Variants in ASCC3 observed in about 807,000 individuals in gnomAD.
ASCC3 encodes ASC-1 complex subunit P200.
ASCC3 carries 158 observed loss-of-function variants against 256.3 expected under a neutral mutation model. The ratio of observed to expected loss-of-function variants is 0.62; its 90% CI spans 0.54 to 0.70. The LOEUF is 0.70. Among genes scored for constraint, ASCC3 ranks in the 30% least tolerant of loss-of-function variants. The pLI is 0.00. For synonymous variants in ASCC3, 948 were observed against 883.4 expected, an observed-to-expected ratio of 1.07 and a Z score of -1.30; for missense variants, 2,259 against 2,626.0, an observed-to-expected ratio of 0.86 and a Z score of 3.05.
chr6:100,582,864 GT>G (rs1469492141), intron 36 of ASCC3, among the ~76,000 whole-genome samples: 3 of 152,082 alleles, frequency 2.0e-5, no homozygotes, highest in African/African-American at 7.3e-5. Context: ...TTTGTCTTTG[GT>G]TTTGTTTATA....
intron 14 of ASCC3, among the ~76,000 whole-genome samples, chr6:100,664,364 A>T (rs1776370942): frequency 6.6e-6 from 1 of 152,132 alleles, no homozygotes; most frequent in Non-Finnish European, 1.5e-5. Flanking sequence ...CTAAGTTAAT[A>T]ATATTTAACT....
At chr6:100,588,652 C>G (rs914448355) in intron 36 of ASCC3, among the ~76,000 whole-genome samples, 2 of 152,098 alleles carry the variant, frequency 1.3e-5, no homozygotes, top group Non-Finnish European at 1.5e-5. Context: ...TCTGTTAATT[C>G]ATTAATAAAA....
intron 37 of ASCC3, among the ~76,000 whole-genome samples, chr6:100,538,315 T>C (rs1388355505): frequency 6.6e-6 from 1 of 152,138 alleles, no homozygotes; most frequent in East Asian, 1.9e-4. Flanking sequence ...GTGTGACTAA[T>C]AAGCAGTAGC....
chr6:100,541,454 G>A (rs1348418998), intron 36 of ASCC3, among the ~76,000 whole-genome samples: 2 of 152,150 alleles, frequency 1.3e-5, no homozygotes, highest in Admixed American at 1.3e-4. Context: ...GTGGTGTAGT[G>A]AGAGAGAATC....
chr6:100,544,851 A>G (rs572682583), intron 36 of ASCC3, among the ~76,000 whole-genome samples: 1 of 152,302 alleles, frequency 6.6e-6, no homozygotes, highest in Admixed American at 6.5e-5. Flanking sequence ...AAACTAGACA[A>G]TAACATTAAA....
intron 4 of ASCC3, among the ~76,000 whole-genome samples, chr6:100,819,432 C>G (rs1482402228): frequency 6.6e-6 from 1 of 152,266 alleles, no homozygotes; most frequent in Non-Finnish European, 1.5e-5. Flanking sequence ...GGCGTATTGA[C>G]TCACACGATC....
chr6:100,702,213 G>A (rs1322683398), intron 13 of ASCC3, among the ~76,000 whole-genome samples: 1 of 152,106 alleles, frequency 6.6e-6, no homozygotes, highest in Admixed American at 6.5e-5. Context: ...GCAGAAAGAG[G>A]AGGGAATGGA....
chr6:100,827,400 T>C lies in ASCC3; in HGVS notation c.801+20748A>G, dbSNP rs372092321. On this transcript the variant is annotated intron_variant, in intron 4 of 41. Transcript: ENST00000369162. ...TCATTGTCTCCATAGTTTTTGCCTT[T>C]TGCAGAAGGTCAAACAGTTGGAATC... 9.2e-5 allele frequency among the ~76,000 whole-genome samples: 14 copies of C among 152,342 alleles called. No homozygotes were observed. In the East Asian group the frequency reaches 2.5e-3, roughly 27 times the overall value.
intron 14 of ASCC3, among the ~76,000 whole-genome samples, chr6:100,669,218 A>G (rs1023945523): frequency 6.0e-5 from 9 of 149,656 alleles, no homozygotes; most frequent in Non-Finnish European, 1.0e-4. Flanking sequence ...CATATTTTCT[A>G]AAAATGTAAA....
chr6:100,678,420 A>C lies in ASCC3; in HGVS notation c.2286+1198T>G, dbSNP rs191132201. Among the ~76,000 whole-genome samples the C allele has an allele frequency of 2.6e-5, 4 of 152,172 alleles. No homozygotes were observed. In the East Asian group the frequency reaches 7.7e-4, roughly 29 times the overall value. On this transcript the variant is annotated intron_variant, in intron 14 of 41. Coordinates refer to ENST00000369162, the MANE Select transcript of ASCC3 (RefSeq NM_006828.4). ...TAAGTGTTAGGTAATAAAAGTAAAA[A>C]AATAGAAAATGAATAAATTTTGTGT...
intron 14 of ASCC3, among the ~76,000 whole-genome samples, chr6:100,674,207 A>T (rs1388878691): frequency 6.6e-6 from 1 of 151,994 alleles, no homozygotes; most frequent in African/African-American, 2.4e-5. Flanking sequence ...TTCTCAAATC[A>T]TCTTCAGAAT....
chr6:100,648,483 A>T (rs2114906315), intron 20 of ASCC3, among the ~76,000 whole-genome samples: 1 of 152,082 alleles, frequency 6.6e-6, no homozygotes, highest in East Asian at 1.9e-4. Flanking sequence ...AAAATGACAG[A>T]TGAGTTAAAG....
intron 39 of ASCC3, among the ~76,000 whole-genome samples, chr6:100,514,586 A>G (rs1773929065): frequency 6.6e-6 from 1 of 151,734 alleles, no homozygotes; most frequent in Non-Finnish European, 1.5e-5. Flanking sequence ...TTCAATCTAC[A>G]ATGTGTACAC....
At chr6:100,842,443 T>C (rs1410791280) in intron 4 of ASCC3, among the ~76,000 whole-genome samples, 2 of 152,134 alleles carry the variant, frequency 1.3e-5, no homozygotes, top group South Asian at 2.1e-4. Flanking sequence ...ATGAGTGTAA[T>C]GTAGTGGACT....
intron 3 of ASCC3, among the ~76,000 whole-genome samples, chr6:100,850,043 T>C (rs771695774): frequency 1.5e-5 from 2 of 134,098 alleles, no homozygotes; most frequent in Non-Finnish European, 3.1e-5. Flanking sequence ...GAGGTTGCAG[T>C]GAGCAGAGAT....
intron 4 of ASCC3, among the ~76,000 whole-genome samples, chr6:100,819,313 TA>T (rs569219646): frequency 4.7e-4 from 72 of 152,078 alleles, no homozygotes; most frequent in Middle Eastern, 3.4e-3. Context: ...TTAAAAGTAT[TA>T]AAAAAAATTC....
intron 10 of ASCC3, among the ~76,000 whole-genome samples, chr6:100,748,759 T>C (rs1226877587): frequency 6.6e-6 from 1 of 152,088 alleles, no homozygotes. Flanking sequence ...TTTTTAGACA[T>C]AGCAGATCCA....
chr6:100,584,939 C>T (rs1320731464), intron 36 of ASCC3, among the ~76,000 whole-genome samples: 12 of 152,126 alleles, frequency 7.9e-5, no homozygotes, highest in East Asian at 5.8e-4. Context: ...GAGTTTCTGC[C>T]GAGAGATCCG....
rs1777290713 is a variant in ASCC3, at chr6:100,681,334, C to A, written c.2152-1582G>T. On this transcript the variant is annotated intron_variant, in intron 13 of 41. Coordinates refer to ENST00000369162, the MANE Select transcript of ASCC3 (RefSeq NM_006828.4). Reference sequence around the variant, plus strand: ...AAGTCATCAGGAGAAATTTAATCAGCTAATTAGTTACCAAGGGCATAAATC... The same window carrying A: ...AAGTCATCAGGAGAAATTTAATCAGATAATTAGTTACCAAGGGCATAAATC... Among the ~76,000 whole-genome samples, 2 of 152,082 alleles carry A rather than the reference C, an allele frequency of 1.3e-5. 1 individual carries two copies. Among genetic ancestry groups the A allele is most frequent in the South Asian group, 4.1e-4 (2 of 4,834 alleles).
Sources: gnomAD v4.1 joint callset for allele counts (sites outside exome capture counted in the v4.1 genomes callset) on GRCh38, gnomAD v4.1.1 for gene constraint, MANE v1.5 for transcripts, NCBI Gene and HGNC (gene_info 2026-07-23, HGNC 2026-07-21) for gene names.